MYO18B: variants seen among roughly 807,000 people sequenced by gnomAD.
MYO18B encodes the protein myosin XVIIIB, also known as unconventional myosin-XVIIIb.
Under a neutral mutation model 273.0 loss-of-function variants are expected in MYO18B, and 204 were observed. The observed-to-expected ratio is 0.75, with a 90% CI of 0.67 to 0.84. The LOEUF (loss-of-function observed/expected upper bound fraction) is 0.84. MYO18B is among the 40% of genes least tolerant of loss of function. MYO18B has a pLI of 0.00. For synonymous variants in MYO18B, 1,330 were observed against 1,305.7 expected (o/e 1.02, Z -0.40); for missense variants, 3,212 against 3,287.6 (o/e 0.98, Z 0.56).
chr22:25,837,597 A>C (rs986526018), intron 17 of MYO18B, among the ~76,000 whole-genome samples: 1 of 152,240 alleles, frequency 6.6e-6, no homozygotes, highest in African/African-American at 2.4e-5. Context: ...GAGCGCCGGC[A>C]GAAGCTTCCA....
chr22:25,910,942 AC>A lies in MYO18B; in HGVS notation c.5260-3del. 1 of 1,581,576 alleles carries A rather than the reference AC, an allele frequency of 6.3e-7. No homozygotes were observed. The highest frequency in any genetic ancestry group is 8.6e-7 in the Non-Finnish European group (1 of 1,162,946). ...TGTGATGTTTCTTCCCTGTGTATCC[AC>A]AGCTTCATCAGCTGGAAATGCAGCT... On this transcript the variant is annotated splice_region_variant and splice_polypyrimidine_tract_variant and intron_variant, in intron 32 of 43. Transcript: ENST00000335473.
chr22:25,783,955 G>A (rs9613020), intron 10 of MYO18B, among the ~76,000 whole-genome samples: 78,143 of 152,066 alleles, frequency 0.51, 21,279 homozygotes, highest in East Asian at 0.62. Context: ...TCACCCATAT[G>A]GAAGCTTCCA....
intron 10 of MYO18B, among the ~76,000 whole-genome samples, chr22:25,782,475 G>T (rs981515593): frequency 1.3e-5 from 2 of 152,196 alleles, no homozygotes; most frequent in East Asian, 3.9e-4. Flanking sequence ...GCCTCCTGGA[G>T]GAGGTGGCCT....
chr22:25,777,841 GA>G, intron 8 of MYO18B, 60 bp downstream of exon 8: 1 of 1,452,924 alleles, frequency 6.9e-7, no homozygotes, highest in Non-Finnish European at 9.3e-7. Flanking sequence ...GTTGGAAGGG[GA>G]TGCTGAGCTG....
intron 33 of MYO18B, among the ~76,000 whole-genome samples, chr22:25,919,860 A>G (rs968272134): frequency 6.6e-6 from 1 of 152,372 alleles, no homozygotes; most frequent in East Asian, 1.9e-4. Flanking sequence ...AGGTCTTCAG[A>G]CAATACTCAT....
chr22:25,849,547 T>C (rs185817753), intron 20 of MYO18B, among the ~76,000 whole-genome samples: 3 of 152,330 alleles, frequency 2.0e-5, no homozygotes, highest in Admixed American at 6.5e-5. Flanking sequence ...TACTACGTAC[T>C]AGACACTGTG....
At position 25,876,250 on chromosome 22, in the gene MYO18B, A is replaced by C. The variant is rs979493628; in HGVS notation, c.4142A>C (p.Asp1381Ala). ...GTGGCTGTGTTCCTCGCAGTCAAGG[A>C]CTGGCCATGGTGGCAGCTGCTTGGT... Reference protein sequence around the residue: ...KNVAVFLAVKDWPWWQLLGSL... With the variant: ...KNVAVFLAVKAWPWWQLLGSL... The change falls in exon 24 of 44, where the codon GAC (aspartate) becomes GCC (alanine). Residue 1381 changes from aspartate (D) to alanine (A), a missense_variant. Asp to Ala is a moderately radical substitution (Grantham distance 126, BLOSUM62 -2). Transcript: ENST00000335473. The C allele has an allele frequency of 6.2e-7, 1 of 1,613,484 alleles. No individual in the cohort carries two copies. Among genetic ancestry groups the C allele is most frequent in the African/African-American group, 1.3e-5 (1 of 74,998 alleles).
In MYO18B at chr22:25,875,328, C is replaced by A. The variant is rs145650227; in HGVS notation, c.4081-861C>A. Among the ~76,000 whole-genome samples the A allele has an allele frequency of 2.2e-4, 34 of 152,356 alleles. 1 individual carries two copies. In the East Asian group the frequency reaches 6.6e-3, roughly 29 times the overall value. On this transcript the variant is annotated intron_variant, in intron 23 of 43. Coordinates refer to ENST00000335473, the MANE Select transcript of MYO18B (RefSeq NM_032608.7). Reference sequence around the variant, plus strand: ...ACCTCACTTTCCCCATCCGTAAATACATAAAATAACATGATCTTCCTAGGA... The same window carrying A: ...ACCTCACTTTCCCCATCCGTAAATAAATAAAATAACATGATCTTCCTAGGA...
In MYO18B at chr22:25,933,100, A is replaced by AT. The variant is rs926587820; in HGVS notation, c.5517+11697dup. On this transcript the variant is annotated intron_variant, in intron 34 of 43. Transcript: ENST00000335473. Reference sequence around the variant, plus strand: ...GTCTGTCTTTTTTTATGATACTGACATTTTTTGGAGAGTTCAGGCCAGTTG... The same window carrying AT: ...GTCTGTCTTTTTTTATGATACTGACATTTTTTTGGAGAGTTCAGGCCAGTTG... Among the ~76,000 whole-genome samples, 8 of 152,080 alleles carry AT rather than the reference A, an allele frequency of 5.3e-5. No individual in the cohort carries two copies. In the East Asian group the frequency reaches 1.2e-3, roughly 22 times the overall value.
intron 39 of MYO18B, among the ~76,000 whole-genome samples, chr22:25,966,403 G>A (rs1038210365): frequency 5.3e-5 from 8 of 152,140 alleles, no homozygotes; most frequent in Admixed American, 3.3e-4. Flanking sequence ...TTTTCCCCCT[G>A]CAAATGGCTA....
In MYO18B at chr22:26,003,275, G is replaced by A; in HGVS notation, c.6298G>A (p.Ala2100Thr). Reference protein sequence around the residue: ...SDSDTESVQTAVDCGSSGRKE... With the variant: ...SDSDTESVQTTVDCGSSGRKE... ...TGTGCCTCTTACTAGTGTCCAGACG[G>A]CAGTGGATTGTGGCAGCAGCGGCCG... Residue 2100 changes from alanine to threonine, a missense_variant, in exon 41 of 44, where the codon GCA becomes ACA. By Grantham distance (58) the Ala-to-Thr change is moderately conservative. Transcript: ENST00000335473. 1.9e-6 allele frequency: 3 copies of A among 1,609,398 alleles called. No individual in the cohort carries two copies. Among genetic ancestry groups the A allele is most frequent in the Admixed American group, 3.4e-5 (2 of 59,380 alleles).
chr22:25,876,303 A>T lies in MYO18B; in HGVS notation c.4195A>T (p.Ile1399Phe), dbSNP rs695633. 2 of 1,613,370 alleles carry T rather than the reference A, an allele frequency of 1.2e-6. No individual in the cohort carries two copies. Among genetic ancestry groups the T allele is most frequent in the African/African-American group, 2.7e-5 (2 of 75,006 alleles). The stretch of plus-strand genomic sequence containing the variant: ...CCTCCAGCCTCTACTTAGTGCCACC[A>T]TTGGAACTGAGCAGCTCCGAGCCAA... ...GSLQPLLSAT[I>F]GTEQLRAKEE... The change falls in exon 24 of 44, where the codon ATT becomes TTT. Residue 1399 changes from isoleucine to phenylalanine, a missense_variant. Ile to Phe is a conservative substitution (Grantham distance 21). Coordinates refer to ENST00000335473, the MANE Select transcript of MYO18B (RefSeq NM_032608.7).
intron 21 of MYO18B, among the ~76,000 whole-genome samples, chr22:25,856,301 A>G (rs1334189807): frequency 6.6e-6 from 1 of 152,232 alleles, no homozygotes; most frequent in Admixed American, 6.5e-5. Flanking sequence ...AGGGGTGTTG[A>G]GCATCTTTTC....
intron 39 of MYO18B, among the ~76,000 whole-genome samples, chr22:25,989,026 C>A (rs1354278370): frequency 6.6e-6 from 1 of 152,216 alleles, no homozygotes; most frequent in African/African-American, 2.4e-5. Context: ...GCCCACCCAT[C>A]CCTGAGACAC....
In MYO18B at chr22:25,902,977, G is replaced by T. The variant is rs2091968357; in HGVS notation, c.4947+241G>T. 3 of 454,024 alleles carry T rather than the reference G, an allele frequency of 6.6e-6. No individual in the cohort carries two copies. In the Admixed American group the frequency reaches 1.1e-4, roughly 17 times the overall value. 28.1% of individuals were successfully genotyped at this position (454,024 alleles called of 1,614,324 possible). ...CTTCAGTTACCTGCACAGGTTCCGA[G>T]GTGCTTACCTGGGAGGTATAACAGG... On this transcript the variant is annotated intron_variant, in intron 30 of 43. Coordinates refer to ENST00000335473, the MANE Select transcript of MYO18B (RefSeq NM_032608.7).
At chr22:25,878,119 A>G (rs2091251316) in intron 25 of MYO18B, 71 bp downstream of exon 25, 4 of 1,189,792 alleles carry the variant, frequency 3.4e-6, no homozygotes, top group Non-Finnish European at 2.4e-6. Context: ...AATGGGGAGA[A>G]CAATGATATG....
chr22:25,794,724 ACG>A (rs1320750218), intron 11 of MYO18B, among the ~76,000 whole-genome samples: 6 of 148,360 alleles, frequency 4.0e-5, no homozygotes, highest in Non-Finnish European at 7.5e-5. Context: ...CAGGATGGTC[ACG>A]ATCTCCTGAC....
At chr22:26,046,536 C>T in the MYO18B span, among the ~76,000 whole-genome samples, 3 of 152,166 alleles carry the variant, frequency 2.0e-5, no homozygotes, top group Admixed American at 1.3e-4. Context: ...AGGAAAATAT[C>T]CAAATAGGTC....
chr22:25,999,966 A>G lies in MYO18B; in HGVS notation c.6288-3299A>G, dbSNP rs1601801069. On this transcript the variant is annotated intron_variant, in intron 40 of 43. Transcript: ENST00000335473. ...CCACGCCTGGCCAAGTTCTTTTTTTAAAAAGCCACTTGCACCAAGGGGAGA... is the reference window on the plus strand; with the variant it reads ...CCACGCCTGGCCAAGTTCTTTTTTTGAAAAGCCACTTGCACCAAGGGGAGA... 2.6e-5 allele frequency among the ~76,000 whole-genome samples: 4 copies of G among 152,062 alleles called. No individual in the cohort carries two copies. The South Asian group carries it at 8.3e-4, about 32-fold the overall frequency.
Sources: allele counts gnomAD v4.1 joint callset (sites outside exome capture counted in the v4.1 genomes callset), GRCh38; gene constraint gnomAD v4.1.1; transcripts MANE v1.5; gene names NCBI Gene and HGNC (gene_info 2026-07-23, HGNC 2026-07-21).